The following CDH12 variants were observed in gnomAD, a reference collection of about 807,000 sequenced individuals.
CDH12 encodes the protein cadherin-12.
Under a neutral mutation model 74.1 loss-of-function variants are expected in CDH12, and 41 were observed. That is an observed-to-expected ratio of 0.55 (90% CI 0.43 to 0.72). CDH12 has a LOEUF of 0.72. Among genes scored for constraint, CDH12 ranks in the 30% least tolerant of loss-of-function variants. CDH12 has a pLI of 0.00. For missense variants in CDH12, 945 were observed against 977.2 expected (o/e 0.97, Z 0.44); for synonymous variants, 399 against 355.0 (o/e 1.12, Z -1.39).
intron 5 of CDH12, among the ~76,000 whole-genome samples, chr5:22,016,283 G>A (rs1039879554): frequency 2.0e-5 from 3 of 152,082 alleles, no homozygotes; most frequent in Admixed American, 2.0e-4. Flanking sequence ...ACACTTTTGT[G>A]ATGCTTGCTA....
chr5:22,197,667 C>T (rs1750700227), intron 4 of CDH12, among the ~76,000 whole-genome samples: 1 of 151,886 alleles, frequency 6.6e-6, no homozygotes, highest in Non-Finnish European at 1.5e-5. Context: ...TTGCATTTTC[C>T]TAATCTGAAA....
chr5:22,491,626 A>AAC (rs1486980904), intron 2 of CDH12, among the ~76,000 whole-genome samples: 1 of 150,404 alleles, frequency 6.6e-6, no homozygotes, highest in Non-Finnish European at 1.5e-5. Flanking sequence ...AAAAAACAAA[A>AAC]AAAAAAACAA....
intron 5 of CDH12, among the ~76,000 whole-genome samples, chr5:21,976,082 C>T (rs367795675): frequency 6.6e-6 from 1 of 152,122 alleles, no homozygotes; most frequent in South Asian, 2.1e-4. Context: ...TAGGGCAGAG[C>T]ATCTCATTTT....
intron 1 of CDH12, among the ~76,000 whole-genome samples, chr5:22,592,521 T>A (rs1459978373): frequency 6.6e-6 from 1 of 152,186 alleles, no homozygotes; most frequent in Non-Finnish European, 1.5e-5. Context: ...TCCTTCGTTT[T>A]CTCTTTCTCC....
At chr5:22,545,456 C>A (rs1470923343) in intron 1 of CDH12, among the ~76,000 whole-genome samples, 1 of 152,136 alleles carries the variant, frequency 6.6e-6, no homozygotes, top group Non-Finnish European at 1.5e-5. Flanking sequence ...TAGACAGATA[C>A]AACTGCTCTA....
At chr5:22,138,871 T>C (rs989639761) in intron 4 of CDH12, among the ~76,000 whole-genome samples, 6 of 138,372 alleles carry the variant, frequency 4.3e-5, no homozygotes, top group Non-Finnish European at 6.3e-5. Context: ...TATATATATA[T>C]ATATACATGT....
intron 2 of CDH12, among the ~76,000 whole-genome samples, chr5:22,457,214 C>T (rs1230924647): frequency 6.6e-6 from 1 of 152,014 alleles, no homozygotes; most frequent in African/African-American, 2.4e-5. Flanking sequence ...CTTAGGGCTG[C>T]TGTGACAAAA....
chr5:21,934,768 C>T (rs1754997773), intron 6 of CDH12, among the ~76,000 whole-genome samples: 2 of 151,916 alleles, frequency 1.3e-5, no homozygotes, highest in Admixed American at 1.3e-4. Context: ...CTTTCTCCCC[C>T]TTTCCCTCCA....
At chr5:22,768,296 T>G (rs1392681922) in intron 1 of CDH12, among the ~76,000 whole-genome samples, 1 of 152,090 alleles carries the variant, frequency 6.6e-6, no homozygotes, top group Non-Finnish European at 1.5e-5. Flanking sequence ...GGAAACTAAA[T>G]ATGTGTTATA....
At chr5:22,222,806 A>G (rs777176821) in intron 3 of CDH12, among the ~76,000 whole-genome samples, 21 of 152,072 alleles carry the variant, frequency 1.4e-4, no homozygotes, top group Admixed American at 4.6e-4. Flanking sequence ...GAAAAAAATT[A>G]GATAATTAAG....
At chr5:21,846,358 C>T (rs1252839190) in intron 7 of CDH12, among the ~76,000 whole-genome samples, 10 of 152,076 alleles carry the variant, frequency 6.6e-5, no homozygotes, top group African/African-American at 1.2e-4. Context: ...ATTAAACCTC[C>T]GTTCTTAACC....
chr5:22,274,259 A>G (rs952062378), intron 3 of CDH12, among the ~76,000 whole-genome samples: 1 of 152,162 alleles, frequency 6.6e-6, no homozygotes, highest in Admixed American at 6.5e-5. Context: ...CCAAGAATCG[A>G]GGAAAATTCA....
intron 3 of CDH12, among the ~76,000 whole-genome samples, chr5:22,292,019 T>C (rs1192227378): frequency 2.0e-5 from 3 of 152,100 alleles, no homozygotes; most frequent in African/African-American, 7.2e-5. Context: ...CAAAAACTAA[T>C]GGAAAATAAC....
intron 5 of CDH12, among the ~76,000 whole-genome samples, chr5:21,983,792 T>C (rs1208933784): frequency 1.3e-5 from 2 of 152,162 alleles, no homozygotes; most frequent in East Asian, 1.9e-4. Context: ...GCAATAAATT[T>C]ATATTACTTT....
In CDH12 at chr5:21,777,142, T is replaced by C. The variant is rs370243170; in HGVS notation, c.1393+6216A>G. On this transcript the variant is annotated intron_variant, in intron 11 of 14. Transcript: ENST00000382254. ...GCTTAAATAAGAGTATGATGTCAGG[T>C]AGACAAACTCTTTCAATGTACAAGG... Among the ~76,000 whole-genome samples, 30 of 152,262 alleles carry C rather than the reference T, an allele frequency of 2.0e-4. No individual in the cohort carries two copies. In the East Asian group the frequency reaches 5.0e-3, roughly 25 times the overall value.
At chr5:22,379,633 T>C (rs1034729476) in intron 3 of CDH12, among the ~76,000 whole-genome samples, 8 of 152,226 alleles carry the variant, frequency 5.3e-5, no homozygotes, top group Admixed American at 5.2e-4. Flanking sequence ...CTAATTTATT[T>C]CCTTAACAAT....
intron 1 of CDH12, among the ~76,000 whole-genome samples, chr5:22,626,969 A>C (rs1401338905): frequency 6.6e-6 from 1 of 152,250 alleles, no homozygotes; most frequent in African/African-American, 2.4e-5. Context: ...TGCAAGTATT[A>C]ACAGCAGAAT....
chr5:22,708,619 A>G (rs1391318751), intron 1 of CDH12, among the ~76,000 whole-genome samples: 1 of 152,170 alleles, frequency 6.6e-6, no homozygotes, highest in Non-Finnish European at 1.5e-5. Context: ...GAGAGAAGAT[A>G]GCCTAGCATG....
At chr5:22,393,428 A>G (rs1473032499) in intron 3 of CDH12, among the ~76,000 whole-genome samples, 1 of 152,102 alleles carries the variant, frequency 6.6e-6, no homozygotes, top group Admixed American at 6.6e-5. Context: ...GAGAGAATAT[A>G]TTTATCTTGT....
Sources: gnomAD v4.1 joint callset for allele counts (sites outside exome capture counted in the v4.1 genomes callset) on GRCh38, gnomAD v4.1.1 for gene constraint, MANE v1.5 for transcripts, NCBI Gene and HGNC (gene_info 2026-07-23, HGNC 2026-07-21) for gene names.